Variants in BBC3 observed in about 807,000 individuals in gnomAD.
The protein encoded by BBC3 is bcl-2-binding component 3.
In BBC3, 5 loss-of-function variants were observed where a neutral mutation model predicts 18.2. The ratio of observed to expected loss-of-function variants is 0.27; its 90% CI spans 0.14 to 0.58. The LOEUF is 0.58. BBC3 is among the 20% of genes least tolerant of loss of function. The pLI is 0.91. For synonymous variants in BBC3, 119 were observed against 128.0 expected, an observed-to-expected ratio of 0.93 and a Z score of 0.47; for missense variants, 224 against 268.9, an observed-to-expected ratio of 0.83 and a Z score of 1.17.
upstream of BBC3, chr19:47,232,571 C>T (rs1255423363): frequency 1.3e-6 from 2 of 1,544,972 alleles, no homozygotes; most frequent in South Asian, 1.2e-5. Flanking sequence ...CTGGCATGGA[C>T]ATGCCTGGGC....
intron 3 of BBC3, 52 bp downstream of exon 3, chr19:47,226,512 C>T: frequency 1.4e-6 from 2 of 1,478,614 alleles, no homozygotes; most frequent in Admixed American, 2.4e-5. Context: ...GCCTGCCGCC[C>T]CCTCCTCCGG....
chr19:47,229,885 A>G (rs911375389), intron 1 of BBC3, among the ~76,000 whole-genome samples: 2 of 152,100 alleles, frequency 1.3e-5, no homozygotes, highest in African/African-American at 4.8e-5. Context: ...ATTTGCATTT[A>G]GCAGGCGCAG....
At chr19:47,226,212 T>C (rs1191241286) in intron 3 of BBC3, among the ~76,000 whole-genome samples, 1 of 151,424 alleles carries the variant, frequency 6.6e-6, no homozygotes, top group Non-Finnish European at 1.5e-5. Context: ...GCGGCGCGGC[T>C]GCTGACTCAC....
intron 2 of BBC3, chr19:47,227,054 A>C: frequency 1.8e-5 from 5 of 277,312 alleles, no homozygotes; most frequent in East Asian, 6.2e-5. Flanking sequence ...CTATTTTCCA[A>C]AGGGGCCACA....
rs1303675454 is a variant in BBC3, at chr19:47,228,372, G to A, written c.60C>T (p.Asp20=). 1.6e-6 allele frequency: 2 copies of A among 1,231,118 alleles called. No individual in the cohort carries two copies. Among genetic ancestry groups the A allele is most frequent in the Non-Finnish European group, 2.0e-6 (2 of 987,698 alleles). The allele number at this position is 1,231,118 out of a possible 1,614,324, so 76.3% of individuals were successfully genotyped here. Residue 20 remains aspartate (D), a synonymous_variant, in exon 2 of 4, where the codon GAC becomes GAT. Transcript: ENST00000439096. The surrounding 1 kb of genome is among the most constrained non-coding windows in gnomAD (Gnocchi z 5.5). ...SPEPVEGLAR[D]GPRPFPLGRL... ...GGCCGAGCGGGAAGGGGCGCGGGCC[G>A]TCGCGGGCCAGGCCCTCTACGGGCT...
chr19:47,228,490 G>C lies in BBC3; in HGVS notation c.-15-44C>G. 2 of 1,229,432 alleles carry C rather than the reference G, an allele frequency of 1.6e-6. No homozygotes were observed. The highest frequency in any genetic ancestry group is 2.0e-6 in the Non-Finnish European group (2 of 985,988). 76.2% of individuals were successfully genotyped at this position (1,229,432 alleles called of 1,614,324 possible). The stretch of plus-strand genomic sequence containing the variant: ...GGAGCAGGTCAGCAGGGAAGTACCA[G>C]GGCCCACTGTACCTCCAGCCTACCC... On this transcript the variant is annotated intron_variant, in intron 1 of 3. Coordinates refer to ENST00000439096, the MANE Select transcript of BBC3 (RefSeq NM_014417.5). The surrounding 1 kb of genome is among the most constrained non-coding windows in gnomAD (Gnocchi z 5.5).
upstream of BBC3, chr19:47,231,326 G>T: frequency 1.9e-6 from 1 of 534,648 alleles, no homozygotes; most frequent in Non-Finnish European, 2.4e-6. This position sits in a 1 kb window ranked among gnomAD's most constrained non-coding sequence, Gnocchi z 4.0. Flanking sequence ...CCGCGGACAA[G>T]TCAGGACTTG....
chr19:47,226,085 G>A (rs377093736), intron 3 of BBC3, among the ~76,000 whole-genome samples: 8 of 152,064 alleles, frequency 5.3e-5, no homozygotes, highest in Non-Finnish European at 2.9e-5. Context: ...GGGCTGGGGG[G>A]CGGGGCCTCC....
chr19:47,232,547 G>A, upstream of BBC3: 1 of 1,548,680 alleles, frequency 6.5e-7, no homozygotes, highest in Non-Finnish European at 8.7e-7. Context: ...CGTCGTGGAA[G>A]CAGCCCTGGG....
intron 3 of BBC3, chr19:47,222,326 AAGG>A (rs375719779): frequency 1.3e-5 from 2 of 159,348 alleles, no homozygotes; most frequent in Non-Finnish European, 2.7e-5. Flanking sequence ...CAATCTGTGG[AAGG>A]AGGAGAACTG....
intron 3 of BBC3, 158 bp from the exon 4 acceptor site, chr19:47,222,076 C>G (rs1048376475): frequency 1.6e-6 from 1 of 624,118 alleles, no homozygotes. Flanking sequence ...GAGGTCACAT[C>G]CTCATCCAGG....
chr19:47,232,424 C>CCACACATGTCACAAAGT (rs1416752012), upstream of BBC3: 1 of 1,101,648 alleles, frequency 9.1e-7, no homozygotes, highest in African/African-American at 1.6e-5. Flanking sequence ...AACTGACCAC[C>CCACACATGTCACAAAGT]CACACATGTC....
In BBC3 at chr19:47,228,171, G is replaced by A. The variant is rs778987965; in HGVS notation, c.261C>T (p.Gly87=). ...WPGGPRSRPR[G]PRPDGPQPSL... is the part of the protein sequence containing the mutation. ...GCGGGCACTCACCGTCCGGGCGCGG[G>A]CCTCGGGGCCGGCTGCGGGGACCCC... Residue 87 remains glycine, a synonymous_variant, in exon 2 of 4, where the codon GGC becomes GGT. Transcript: ENST00000439096. The surrounding 1 kb of genome is among the most constrained non-coding windows in gnomAD (Gnocchi z 5.5). The A allele has an allele frequency of 2.9e-5, 35 of 1,222,280 alleles. No individual in the cohort carries two copies. The highest frequency in any genetic ancestry group is 8.2e-5 in the South Asian group (2 of 24,302). The allele number at this position is 1,222,280 out of a possible 1,614,324, so 75.7% of individuals were successfully genotyped here.
At chr19:47,224,467 T>A (rs1447058084) in intron 3 of BBC3, among the ~76,000 whole-genome samples, 1 of 149,568 alleles carries the variant, frequency 6.7e-6, no homozygotes, top group Non-Finnish European at 1.5e-5. Context: ...TACAAAAAAA[T>A]AAAATAAAAA....
At chr19:47,226,327 TCCCTGGCCCTGG>T (rs540147387) in intron 3 of BBC3, among the ~76,000 whole-genome samples, 11 of 151,560 alleles carry the variant, frequency 7.3e-5, no homozygotes, top group Non-Finnish European at 1.2e-4. Context: ...GGCGGCCTAG[TCCCTGGCCCTGG>T]CCCTGGCCCT....
chr19:47,222,023 T>C, intron 3 of BBC3, 105 bp from the exon 4 acceptor site: 1 of 1,037,930 alleles, frequency 9.6e-7, no homozygotes, highest in Non-Finnish European at 1.4e-6. Context: ...TCGCCCACCC[T>C]ATTCCAGCTC....
In BBC3 at chr19:47,230,212, C is replaced by T. The variant is rs2058892979; in HGVS notation, c.-16+717G>A. On this transcript the variant is annotated intron_variant, in intron 1 of 3. Transcript: ENST00000439096. This position sits in a 1 kb window ranked among gnomAD's most constrained non-coding sequence, Gnocchi z 6.7. The stretch of plus-strand genomic sequence containing the variant: ...AACCCCACACAAACAGGCGCGGGGA[C>T]TCACGCAGACACCCCGACGGGTCAG... 6.6e-6 allele frequency among the ~76,000 whole-genome samples: 1 copy of T among 152,018 alleles called. No individual in the cohort carries two copies. Among genetic ancestry groups the T allele is most frequent in the Non-Finnish European group, 1.5e-5 (1 of 67,976 alleles).
rs913967325 is a variant in BBC3, at chr19:47,230,774, C to T, written c.-16+155G>A. On this transcript the variant is annotated intron_variant, in intron 1 of 3. Coordinates refer to ENST00000439096, the MANE Select transcript of BBC3 (RefSeq NM_014417.5). This position sits in a 1 kb window ranked among gnomAD's most constrained non-coding sequence, Gnocchi z 6.7. ...GCCGAGCCGCCTCTCACCCGGCGAC[C>T]CTGGCCCAGGGTCCCTCGCGGGGTT... 1 of 985,104 alleles carries T rather than the reference C, an allele frequency of 1.0e-6. No homozygotes were observed. The highest frequency in any genetic ancestry group is 1.7e-5 in the African/African-American group (1 of 57,206). 61.0% of individuals were successfully genotyped at this position (985,104 alleles called of 1,614,324 possible).
At chr19:47,222,224 A>C in intron 3 of BBC3, 1 of 292,740 alleles carries the variant, frequency 3.4e-6, no homozygotes, top group Non-Finnish European at 6.4e-6. Context: ...AAGGGGCTGA[A>C]GGATGGACTG....
Sources: gnomAD v4.1 joint callset for allele counts (sites outside exome capture counted in the v4.1 genomes callset) on GRCh38, gnomAD v4.1.1 for gene constraint, Gnocchi (gnomAD v3.1) non-coding constraint, MANE v1.5 for transcripts, NCBI Gene and HGNC (gene_info 2026-07-23, HGNC 2026-07-21) for gene names.